Variants in MYO10 observed in about 807,000 individuals in gnomAD.
MYO10 encodes unconventional myosin-X.
A neutral mutation model predicts 257.3 loss-of-function variants in MYO10; 133 were observed. The observed-to-expected ratio is 0.52, with a 90% confidence interval of 0.45 to 0.60. MYO10 has a LOEUF of 0.60. Among genes scored for constraint, MYO10 ranks in the 20% least tolerant of loss-of-function variants. The pLI is 0.00. For synonymous variants in MYO10, 1,104 were observed against 1,028.6 expected (o/e 1.07, Z -1.40); for missense variants, 2,399 against 2,635.7 (o/e 0.91, Z 1.97).
At chr5:16,741,973 C>G (rs929444738) in intron 19 of MYO10, 1 of 985,244 alleles carries the variant, frequency 1.0e-6, no homozygotes, top group Non-Finnish European at 1.2e-6. Context: ...TTAATTCATT[C>G]CTGATTCTAC....
intron 19 of MYO10, among the ~76,000 whole-genome samples, chr5:16,749,715 C>T (rs193012927): frequency 3.3e-5 from 5 of 152,140 alleles, no homozygotes; most frequent in Non-Finnish European, 7.4e-5. Context: ...ACACAGCAAA[C>T]CTAAAGACCA....
At position 16,694,504 on chromosome 5, in the gene MYO10, CT is replaced by C; in HGVS notation, c.3666del (p.Gly1225AlafsTer22). ...EALKQGWLHK[K>X]GGGSSTLSRR... ...CTGGACAGCGTGGAGGAGCCCCCCC[CT>C]TTTTTGTGGAGCCAGCCTTGCTTGA... On this transcript the variant is annotated frameshift_variant, in exon 27 of 41. Transcript: ENST00000513610. LOFTEE classifies it high-confidence loss of function. 2.5e-6 allele frequency: 4 copies of C among 1,614,010 alleles called. No homozygotes were observed. Among genetic ancestry groups the C allele is most frequent in the Non-Finnish European group, 3.4e-6 (4 of 1,179,876 alleles).
intron 2 of MYO10, among the ~76,000 whole-genome samples, chr5:16,864,846 C>G (rs2126749317): frequency 6.6e-6 from 1 of 152,250 alleles, no homozygotes; most frequent in East Asian, 1.9e-4. Context: ...GCTTCCAGAG[C>G]AGAAAAGATT....
At position 16,675,189 on chromosome 5, in the gene MYO10, G is replaced by A. The variant is rs752092909; in HGVS notation, c.4667-39C>T. 8 of 1,602,632 alleles carry A rather than the reference G, an allele frequency of 5.0e-6. No homozygotes were observed. In the Admixed American group the frequency reaches 1.3e-4, roughly 27 times the overall value. On this transcript the variant is annotated intron_variant, in intron 34 of 40. Coordinates refer to ENST00000513610, the MANE Select transcript of MYO10 (RefSeq NM_012334.3). Reference sequence around the variant, plus strand: ...AACAAACACGGAACTCATCTGAGGGGTTCAGAATAGGGCATGAGCATAATC... The same window carrying A: ...AACAAACACGGAACTCATCTGAGGGATTCAGAATAGGGCATGAGCATAATC...
At chr5:16,723,885 A>G (rs1367128239) in intron 19 of MYO10, among the ~76,000 whole-genome samples, 1 of 152,236 alleles carries the variant, frequency 6.6e-6, no homozygotes, top group East Asian at 1.9e-4. Context: ...CTCCAATTAT[A>G]TGACATCCAG....
chr5:16,852,050 C>CAAAAAAA (rs70943811), intron 2 of MYO10, among the ~76,000 whole-genome samples: 1 of 42,564 alleles, frequency 2.3e-5, no homozygotes, highest in South Asian at 1.7e-3. Flanking sequence ...GACTCCATCT[C>CAAAAAAA]AAAAAAAAAA....
chr5:16,711,253 A>C lies in MYO10; in HGVS notation c.1930-8T>G. 6.6e-7 allele frequency: 1 copy of C among 1,511,698 alleles called. No homozygotes were observed. Among genetic ancestry groups the C allele is most frequent in the Non-Finnish European group, 8.9e-7 (1 of 1,129,186 alleles). 93.6% of individuals were successfully genotyped at this position (1,511,698 alleles called of 1,614,324 possible). A position where few individuals can be genotyped will look rare whatever the true frequency, so the allele number is the denominator to read the frequency against. Reference sequence around the variant, plus strand: ...GTCAAACTGGTCTGGCATCTAAACCATGCAAAAAAAAAAGATGGGATACCA... The same window carrying C: ...GTCAAACTGGTCTGGCATCTAAACCCTGCAAAAAAAAAAGATGGGATACCA... On this transcript the variant is annotated splice_region_variant and splice_polypyrimidine_tract_variant and intron_variant, in intron 19 of 40. Coordinates refer to ENST00000513610, the MANE Select transcript of MYO10 (RefSeq NM_012334.3).
chr5:16,883,063 C>T (rs988249718), intron 1 of MYO10, among the ~76,000 whole-genome samples: 2 of 151,780 alleles, frequency 1.3e-5, no homozygotes, highest in Non-Finnish European at 2.9e-5. Context: ...CTACAGGTGC[C>T]CACCACCACG....
chr5:16,725,109 C>CA (rs1739309658), intron 19 of MYO10, among the ~76,000 whole-genome samples: 2 of 90,690 alleles, frequency 2.2e-5, no homozygotes, highest in Admixed American at 1.8e-4. Context: ...TTTTTTGAGA[C>CA]AGAGTCTTCC....
At chr5:16,891,821 T>C (rs1328005815) in intron 1 of MYO10, among the ~76,000 whole-genome samples, 1 of 152,144 alleles carries the variant, frequency 6.6e-6, no homozygotes, top group East Asian at 1.9e-4. Flanking sequence ...GAGTTTCCAT[T>C]ATTTGCAAGT....
chr5:16,708,822 C>CA (rs1167456873), intron 21 of MYO10, among the ~76,000 whole-genome samples: 1 of 152,190 alleles, frequency 6.6e-6, no homozygotes, highest in Non-Finnish European at 1.5e-5. Context: ...CTCAGCCTCC[C>CA]AAAGTGCTGG....
intron 19 of MYO10, among the ~76,000 whole-genome samples, chr5:16,726,490 T>G (rs982460557): frequency 3.9e-5 from 6 of 152,206 alleles, no homozygotes; most frequent in African/African-American, 1.4e-4. Flanking sequence ...TAACCTGAAG[T>G]GCAGGGTGGT....
chr5:16,914,000 C>A (rs1302282761), intron 1 of MYO10, among the ~76,000 whole-genome samples: 1 of 152,192 alleles, frequency 6.6e-6, no homozygotes. Context: ...ACACAGCTAA[C>A]CTGGGCTCCT....
intron 2 of MYO10, among the ~76,000 whole-genome samples, 181 bp from the exon 3 acceptor site, chr5:16,818,348 CTG>C (rs1376488206): frequency 2.1e-5 from 3 of 145,682 alleles, no homozygotes; most frequent in Admixed American, 1.4e-4. Flanking sequence ...CTCTCTCTCT[CTG>C]TGTGTGTATG....
Position 16,665,962 on chromosome 5 carries a change from A to G in MYO10, c.*730T>C, listed in dbSNP as rs1736146305. 1 of 152,672 alleles carries G rather than the reference A, an allele frequency of 6.5e-6. No individual in the cohort carries two copies. Among genetic ancestry groups the G allele is most frequent in the Non-Finnish European group, 1.5e-5 (1 of 68,040 alleles). The allele number at this position is 152,672 out of a possible 1,614,324, so 9.5% of individuals were successfully genotyped here. On this transcript the variant is annotated 3_prime_UTR_variant, in exon 41 of 41. Coordinates refer to ENST00000513610, the MANE Select transcript of MYO10 (RefSeq NM_012334.3). Reference sequence around the variant, plus strand: ...GGGTTTGTTAATAAAACCACCTTATAAAGTAACAATTGAGACTATAGCTCT... The same window carrying G: ...GGGTTTGTTAATAAAACCACCTTATGAAGTAACAATTGAGACTATAGCTCT...
intron 3 of MYO10, among the ~76,000 whole-genome samples, chr5:16,817,026 G>A (rs1048085859): frequency 6.6e-6 from 1 of 151,652 alleles, no homozygotes; most frequent in African/African-American, 2.4e-5. Context: ...CACCATGTTC[G>A]TCAGGCTTGT....
chr5:16,788,414 T>G (rs1463853270), intron 4 of MYO10, among the ~76,000 whole-genome samples: 1 of 152,168 alleles, frequency 6.6e-6, no homozygotes. Flanking sequence ...CTTTACCGTG[T>G]GTAAGTTTAC....
intron 19 of MYO10, among the ~76,000 whole-genome samples, chr5:16,713,767 A>C (rs1738728780): frequency 6.6e-6 from 1 of 152,164 alleles, no homozygotes. Flanking sequence ...TGGTGAATTG[A>C]ATGTTCAAAG....
intron 1 of MYO10, among the ~76,000 whole-genome samples, chr5:16,919,767 A>G (rs1745929358): frequency 6.6e-6 from 1 of 152,110 alleles, no homozygotes; most frequent in Non-Finnish European, 1.5e-5. Context: ...ACCTGAGGTC[A>G]GGAGTTTGAG....
Sources: allele counts gnomAD v4.1 joint callset (sites outside exome capture counted in the v4.1 genomes callset), GRCh38; gene constraint gnomAD v4.1.1; transcripts MANE v1.5; gene names NCBI Gene and HGNC (gene_info 2026-07-23, HGNC 2026-07-21).